Variants in ADCY2 observed in about 807,000 individuals in gnomAD.
ADCY2 encodes the protein adenylate cyclase 2.
A neutral mutation model predicts 125.2 loss-of-function variants in ADCY2; 31 were observed. The observed-to-expected ratio is 0.25, with a 90% CI of 0.19 to 0.33. The LOEUF is 0.33. Among genes scored for constraint, ADCY2 ranks in the 10% least tolerant of loss-of-function variants. ADCY2 has a pLI of 1.00. For synonymous variants in ADCY2, 512 were observed against 548.4 expected (o/e 0.93, Z 0.93); for missense variants, 904 against 1,418.2 (o/e 0.64, Z 5.82).
intron 3 of ADCY2, among the ~76,000 whole-genome samples, chr5:7,579,426 C>T (rs1291822659): frequency 2.0e-5 from 3 of 151,942 alleles, no homozygotes; most frequent in Non-Finnish European, 4.4e-5. Flanking sequence ...AAAAGAGATC[C>T]ACAGAGACAG....
chr5:7,724,498 T>C (rs771114857), intron 12 of ADCY2, 47 bp from the exon 13 acceptor site: 1 of 1,410,034 alleles, frequency 7.1e-7, no homozygotes, highest in Non-Finnish European at 1.0e-6. Flanking sequence ...TCCAGATGTT[T>C]GATTGGAGAT....
intron 14 of ADCY2, among the ~76,000 whole-genome samples, chr5:7,731,135 T>TA (rs1271084224): frequency 6.6e-6 from 1 of 152,210 alleles, no homozygotes; most frequent in African/African-American, 2.4e-5. Context: ...ATTGAGATTA[T>TA]AATCTTTATG....
At chr5:7,705,385 C>CA (rs1741234377) in intron 7 of ADCY2, among the ~76,000 whole-genome samples, 1 of 152,236 alleles carries the variant, frequency 6.6e-6, no homozygotes, top group South Asian at 2.1e-4. Flanking sequence ...AGTTACAGGA[C>CA]AGAGGCAGCA....
At chr5:7,648,994 T>C (rs1021488797) in intron 4 of ADCY2, among the ~76,000 whole-genome samples, 2 of 152,230 alleles carry the variant, frequency 1.3e-5, no homozygotes, top group African/African-American at 4.8e-5. Context: ...GAAAATGCTA[T>C]CATTTTTACA....
intron 4 of ADCY2, among the ~76,000 whole-genome samples, chr5:7,628,488 G>A (rs1738204232): frequency 2.0e-5 from 3 of 152,164 alleles, no homozygotes; most frequent in African/African-American, 7.2e-5. Flanking sequence ...CATTGACCTT[G>A]TGGAGCTCAA....
At chr5:7,575,265 G>A (rs1032311019) in intron 3 of ADCY2, among the ~76,000 whole-genome samples, 2 of 152,066 alleles carry the variant, frequency 1.3e-5, no homozygotes, top group Non-Finnish European at 2.9e-5. Context: ...AATTATTTTG[G>A]AGTGGTGACA....
At chr5:7,796,045 A>T (rs933876880) in intron 20 of ADCY2, 4 of 152,232 alleles carry the variant, frequency 2.6e-5, no homozygotes, top group African/African-American at 9.6e-5. Flanking sequence ...AGCAAGACGC[A>T]ATACAACAAG....
At chr5:7,431,612 A>G (rs899080618) in intron 2 of ADCY2, among the ~76,000 whole-genome samples, 2 of 152,042 alleles carry the variant, frequency 1.3e-5, no homozygotes, top group Non-Finnish European at 2.9e-5. Flanking sequence ...ATTCAAGGGC[A>G]TTGTTATGAA....
At chr5:7,555,965 G>T (rs1190496137) in intron 3 of ADCY2, among the ~76,000 whole-genome samples, 1 of 151,528 alleles carries the variant, frequency 6.6e-6, no homozygotes, top group Non-Finnish European at 1.5e-5. Flanking sequence ...TGATAGACCT[G>T]TACTGCACAA....
chr5:7,635,248 C>T (rs1477613232), intron 4 of ADCY2, among the ~76,000 whole-genome samples: 1 of 152,084 alleles, frequency 6.6e-6, no homozygotes, highest in African/African-American at 2.4e-5. Flanking sequence ...CTTCTAGCTC[C>T]TAGTAGAGGA....
Position 7,802,347 on chromosome 5 carries a change from A to G in ADCY2, c.2758A>G (p.Ile920Val), listed in dbSNP as rs756741473. 1.9e-6 allele frequency: 3 copies of G among 1,614,200 alleles called. No homozygotes were observed. Among genetic ancestry groups the G allele is most frequent in the South Asian group, 1.1e-5 (1 of 91,080 alleles). ...ATGCCTTCGGCTCCTGAACGAGATC[A>G]TCGCTGACTTTGATGATGTAGGTAC... ...LECLRLLNEIIADFDDLLSKP... is the reference protein window; with the variant it reads ...LECLRLLNEIVADFDDLLSKP... The change falls in exon 21 of 25, where the codon ATC becomes GTC. Residue 920 changes from isoleucine to valine, a missense_variant. Around this residue, in one of 7 missense-constraint regions of ADCY2, gnomAD observed 181 missense variants for 381.6 expected, o/e 0.47. Transcript: ENST00000338316. The surrounding 1 kb of genome is among the most constrained non-coding windows in gnomAD (Gnocchi z 4.6).
At chr5:7,421,435 C>T (rs535003072) in intron 2 of ADCY2, among the ~76,000 whole-genome samples, 2 of 152,302 alleles carry the variant, frequency 1.3e-5, no homozygotes, top group East Asian at 3.9e-4. Context: ...TCTCTGCCTC[C>T]GTCTTCACGT....
intron 4 of ADCY2, among the ~76,000 whole-genome samples, chr5:7,661,696 A>C (rs1739537765): frequency 6.6e-6 from 1 of 152,198 alleles, no homozygotes; most frequent in Non-Finnish European, 1.5e-5. Flanking sequence ...AATTCAGCTG[A>C]TCTGTCTCCA....
In ADCY2 at chr5:7,829,520, A is replaced by G. The variant is rs1245458104; in HGVS notation, c.*2649A>G. The G allele has an allele frequency of 6.6e-6, 1 of 151,668 alleles. No homozygotes were observed. Among genetic ancestry groups the G allele is most frequent in the East Asian group, 1.9e-4 (1 of 5,298 alleles). The allele number at this position is 151,668 out of a possible 1,614,324, so 9.4% of individuals were successfully genotyped here. Reference sequence around the variant, plus strand: ...GCAGAAAACTGGCAGTGCACCTCTCATCAGCCCAGGTCCCAGTGCCATTGG... The same window carrying G: ...GCAGAAAACTGGCAGTGCACCTCTCGTCAGCCCAGGTCCCAGTGCCATTGG... On this transcript the variant is annotated 3_prime_UTR_variant, in exon 25 of 25. Transcript: ENST00000338316.
chr5:7,418,977 A>G (rs1352693258), intron 2 of ADCY2, among the ~76,000 whole-genome samples: 1 of 152,088 alleles, frequency 6.6e-6, no homozygotes, highest in Non-Finnish European at 1.5e-5. Flanking sequence ...TACAGACTTC[A>G]TATATGTATA....
chr5:7,717,911 C>T (rs553215440), intron 12 of ADCY2, among the ~76,000 whole-genome samples: 118 of 152,222 alleles, frequency 7.8e-4, no homozygotes, highest in African/African-American at 2.4e-3. Context: ...GCCTGGTGCA[C>T]GTCAGACATT....
intron 4 of ADCY2, among the ~76,000 whole-genome samples, chr5:7,670,506 A>G (rs1433953672): frequency 1.3e-5 from 2 of 152,224 alleles, no homozygotes; most frequent in Non-Finnish European, 2.9e-5. Context: ...TAACCTTATA[A>G]CAGAAAACAA....
intron 3 of ADCY2, among the ~76,000 whole-genome samples, chr5:7,593,163 A>T (rs1482502831): frequency 6.6e-6 from 1 of 152,124 alleles, no homozygotes; most frequent in East Asian, 1.9e-4. Context: ...GAAGGAGTGA[A>T]GTTTTAGAAT....
At chr5:7,535,386 T>A (rs1391428501) in intron 3 of ADCY2, among the ~76,000 whole-genome samples, 1 of 152,092 alleles carries the variant, frequency 6.6e-6, no homozygotes, top group African/African-American at 2.4e-5. Context: ...AAATCTAGAG[T>A]GTTTGAATAA....
Sources: allele counts gnomAD v4.1 joint callset (sites outside exome capture counted in the v4.1 genomes callset), GRCh38; gene constraint gnomAD v4.1.1; regional missense constraint gnomAD v4.1.1; non-coding constraint Gnocchi (gnomAD v3.1); transcripts MANE v1.5; gene names NCBI Gene and HGNC (gene_info 2026-07-23, HGNC 2026-07-21).